Variants in CASTOR2 observed in about 807,000 individuals in gnomAD.
CASTOR2 encodes GATS protein like 2.
In CASTOR2, 8 loss-of-function variants were observed where a neutral mutation model predicts 31.2. The ratio of observed to expected loss-of-function variants is 0.26; its 90% confidence interval spans 0.15 to 0.46. The LOEUF (loss-of-function observed/expected upper bound fraction) is 0.46, where lower values mean the gene tolerates loss of function less well. Ranked by LOEUF, CASTOR2 falls within the 20% of genes least tolerant of loss-of-function variation. CASTOR2 has a pLI of 0.99. For synonymous variants in CASTOR2, 162 were observed against 158.7 expected (o/e 1.02, Z -0.16); for missense variants, 216 against 382.1 (o/e 0.57, Z 3.62).
At position 74,989,823 on chromosome 7, in the gene CASTOR2, C is replaced by T. The variant is rs587632184; in HGVS notation, c.114-18171C>T. On this transcript the variant is annotated intron_variant, in intron 1 of 8. Coordinates refer to ENST00000616305, the MANE Select transcript of CASTOR2 (RefSeq NM_001145064.3). The stretch of plus-strand genomic sequence containing the variant: ...GCACAAAACAGACACAGTGAATCCA[C>T]GGCACTAGAGACTAGAGCAGTGGCT... Among the ~76,000 whole-genome samples, 893 of 152,124 alleles carry T rather than the reference C, an allele frequency of 5.9e-3. 6 individuals are homozygous for T. Among genetic ancestry groups the T allele is most frequent in the Middle Eastern group, 0.014 (4 of 294 alleles).
intron 1 of CASTOR2, among the ~76,000 whole-genome samples, chr7:75,005,913 T>G (rs1804596045): frequency 6.6e-6 from 1 of 152,180 alleles, no homozygotes; most frequent in South Asian, 2.1e-4. Context: ...GTGGATCACT[T>G]GAAGTAAGGA....
rs1177806883 is a variant in CASTOR2, at chr7:74,990,498, C to G, written c.114-17496C>G. 2.0e-5 allele frequency among the ~76,000 whole-genome samples: 3 copies of G among 152,046 alleles called. No individual in the cohort carries two copies. The South Asian group carries it at 6.2e-4, about 31-fold the overall frequency. On this transcript the variant is annotated intron_variant, in intron 1 of 8. Transcript: ENST00000616305. The stretch of plus-strand genomic sequence containing the variant: ...ATTTGGCAGACCAAGGCAGGAAGAT[C>G]TCTTGAGCCAGGAGTTCAGGACCAG...
In CASTOR2 at chr7:75,031,097, A is replaced by C. The variant is rs1805288111; in HGVS notation, c.*6398A>C. ...GGAAGAGTTGAGCAGAGTTCCCTCT[A>C]AAAGAGTAGGGAGCTGATAACAGTC... On this transcript the variant is annotated 3_prime_UTR_variant, in exon 9 of 9. Transcript: ENST00000616305. Among the ~76,000 whole-genome samples, 1 of 152,222 alleles carries C rather than the reference A, an allele frequency of 6.6e-6. No homozygotes were observed. Among genetic ancestry groups the C allele is most frequent in the African/African-American group, 2.4e-5 (1 of 41,466 alleles).
At chr7:75,004,813 C>T (rs1193067027) in intron 1 of CASTOR2, among the ~76,000 whole-genome samples, 1 of 151,842 alleles carries the variant, frequency 6.6e-6, no homozygotes, top group Non-Finnish European at 1.5e-5. Flanking sequence ...ACAAATTCAC[C>T]CCTTTTTAGC....
chr7:74,971,154 C>T (rs1285396085), intron 1 of CASTOR2, among the ~76,000 whole-genome samples: 2 of 142,634 alleles, frequency 1.4e-5, no homozygotes, highest in Non-Finnish European at 3.1e-5. Flanking sequence ...CACCACCATG[C>T]CCGGCTAATT....
At chr7:75,009,891 T>C (rs2131946921) in intron 2 of CASTOR2, among the ~76,000 whole-genome samples, 1 of 151,044 alleles carries the variant, frequency 6.6e-6, no homozygotes, top group East Asian at 2.0e-4. Flanking sequence ...TTAATTTTTT[T>C]TTTTTTTTTT....
In CASTOR2 at chr7:75,018,181, G is replaced by A. The variant is rs1275522763; in HGVS notation, c.511+59G>A. The stretch of plus-strand genomic sequence containing the variant: ...CCTCACGAAGTTACCAGGCCCAGCC[G>A]CAGACCAGCCTTACTCTCAGCACGG... On this transcript the variant is annotated intron_variant, in intron 4 of 8. Transcript: ENST00000616305. The A allele has an allele frequency of 1.5e-5, 23 of 1,585,748 alleles. 1 individual carries two copies. The highest frequency in any genetic ancestry group is 1.2e-4 in the South Asian group (11 of 88,272).
At chr7:74,995,967 G>A (rs2131935600) in intron 1 of CASTOR2, among the ~76,000 whole-genome samples, 1 of 152,098 alleles carries the variant, frequency 6.6e-6, no homozygotes, top group African/African-American at 2.4e-5. Flanking sequence ...AACAGAGCAA[G>A]ACCTTATCTC....
chr7:75,019,747 G>A (rs1463693959), intron 5 of CASTOR2, among the ~76,000 whole-genome samples: 3 of 152,218 alleles, frequency 2.0e-5, no homozygotes, highest in African/African-American at 7.2e-5. Context: ...GTGGGGCGGG[G>A]CAGGGTCCAG....
At chr7:74,983,860 T>C (rs1804003147) in intron 1 of CASTOR2, among the ~76,000 whole-genome samples, 1 of 151,312 alleles carries the variant, frequency 6.6e-6, no homozygotes, top group Admixed American at 6.6e-5. Context: ...AAATCATAGC[T>C]CACTGCAGCT....
At position 75,020,159 on chromosome 7, in the gene CASTOR2, G is replaced by A; in HGVS notation, c.746+10G>A. Reference sequence around the variant, plus strand: ...TGCAGACGCAGCAGAGGTGAGCCAGGCCCTGGGGTGGACGTTCAACCCAGG... The same window carrying A: ...TGCAGACGCAGCAGAGGTGAGCCAGACCCTGGGGTGGACGTTCAACCCAGG... On this transcript the variant is annotated intron_variant, in intron 6 of 8. Transcript: ENST00000616305. The A allele has an allele frequency of 6.4e-7, 1 of 1,551,290 alleles. No individual in the cohort carries two copies.
At chr7:74,988,141 C>A (rs1422162755) in intron 1 of CASTOR2, among the ~76,000 whole-genome samples, 2 of 141,786 alleles carry the variant, frequency 1.4e-5, no homozygotes, top group African/African-American at 5.3e-5. Flanking sequence ...TTTTTTTTTT[C>A]TTTTTTGAGA....
chr7:75,009,612 G>GC (rs1159703022), intron 2 of CASTOR2, among the ~76,000 whole-genome samples: 103 of 150,662 alleles, frequency 6.8e-4, no homozygotes, highest in African/African-American at 2.0e-3. Flanking sequence ...AAATTAAGTG[G>GC]CCCCCCCCGC....
intron 2 of CASTOR2, among the ~76,000 whole-genome samples, chr7:75,011,180 G>T (rs1166324615): frequency 5.3e-5 from 8 of 151,764 alleles, no homozygotes; most frequent in African/African-American, 1.7e-4. Flanking sequence ...TACAATCCCA[G>T]CACTTTGTGA....
In CASTOR2 at chr7:75,028,923, C is replaced by T. The variant is rs1298419866; in HGVS notation, c.*4224C>T. Among the ~76,000 whole-genome samples, 1 of 152,222 alleles carries T rather than the reference C, an allele frequency of 6.6e-6. No individual in the cohort carries two copies. Among genetic ancestry groups the T allele is most frequent in the African/African-American group, 2.4e-5 (1 of 41,456 alleles). On this transcript the variant is annotated 3_prime_UTR_variant, in exon 9 of 9. Coordinates refer to ENST00000616305, the MANE Select transcript of CASTOR2 (RefSeq NM_001145064.3). ...CCACTGGCATTCTCACCTCCTCTCACCTCCAGGCACCAGGCTGCTGGTGGG... is the reference window on the plus strand; with the variant it reads ...CCACTGGCATTCTCACCTCCTCTCATCTCCAGGCACCAGGCTGCTGGTGGG...
chr7:75,014,860 T>C (rs1804832115), intron 2 of CASTOR2, among the ~76,000 whole-genome samples: 1 of 152,166 alleles, frequency 6.6e-6, no homozygotes, highest in Non-Finnish European at 1.5e-5. Context: ...CAGCACCCCC[T>C]CAAGGTGTAC....
At chr7:74,992,936 C>G (rs1447731464) in intron 1 of CASTOR2, among the ~76,000 whole-genome samples, 2 of 152,002 alleles carry the variant, frequency 1.3e-5, no homozygotes, top group African/African-American at 4.8e-5. Context: ...TGTGGTGACT[C>G]AGGCCTGTAA....
chr7:75,015,942 C>T (rs1804853553), intron 2 of CASTOR2, among the ~76,000 whole-genome samples: 1 of 152,108 alleles, frequency 6.6e-6, no homozygotes, highest in Non-Finnish European at 1.5e-5. Context: ...TGTTGGGTGC[C>T]TCTAATCCCA....
intron 1 of CASTOR2, among the ~76,000 whole-genome samples, chr7:74,986,726 AC>A: frequency 6.6e-6 from 1 of 152,138 alleles, no homozygotes; most frequent in Admixed American, 6.6e-5. Flanking sequence ...CCTGCACACC[AC>A]GTATGTCTGG....
Sources: gnomAD v4.1 joint callset for allele counts (sites outside exome capture counted in the v4.1 genomes callset) on GRCh38, gnomAD v4.1.1 for gene constraint, MANE v1.5 for transcripts, NCBI Gene and HGNC (gene_info 2026-07-23, HGNC 2026-07-21) for gene names.